The following NTRK3 variants were observed in gnomAD, a reference collection of about 807,000 sequenced individuals.
NTRK3 encodes the protein NT-3 growth factor receptor.
Under a neutral mutation model 91.7 loss-of-function variants are expected in NTRK3, and 24 were observed. The observed-to-expected ratio is 0.26, with a 90% CI of 0.19 to 0.37. The LOEUF is 0.37. NTRK3 is among the 10% of genes least tolerant of loss of function. NTRK3 has a pLI of 1.00. For missense variants in NTRK3, 880 were observed against 1,068.9 expected, an observed-to-expected ratio of 0.82 and a Z score of 2.46; for synonymous variants, 483 against 404.0, an observed-to-expected ratio of 1.20 and a Z score of -2.34.
chr15:87,945,833 A>T (rs916553925), intron 14 of NTRK3, among the ~76,000 whole-genome samples: 8 of 149,184 alleles, frequency 5.4e-5, no homozygotes, highest in Admixed American at 6.7e-5. Context: ...AAAAAAACAG[A>T]TCTCTATTGA....
chr15:87,931,905 C>A (rs1468621865), intron 16 of NTRK3, among the ~76,000 whole-genome samples: 1 of 152,194 alleles, frequency 6.6e-6, no homozygotes, highest in African/African-American at 2.4e-5. Flanking sequence ...AAATCTTATC[C>A]TCAGCCACAG....
chr15:87,988,097 C>T (rs1026525245), intron 14 of NTRK3, among the ~76,000 whole-genome samples: 1 of 152,104 alleles, frequency 6.6e-6, no homozygotes, highest in Admixed American at 6.6e-5. Context: ...CTGACAAACA[C>T]CATCTCAGCC....
chr15:87,933,681 G>C (rs2069006050), intron 15 of NTRK3, among the ~76,000 whole-genome samples: 1 of 152,264 alleles, frequency 6.6e-6, no homozygotes, highest in South Asian at 2.1e-4. Flanking sequence ...GTCTTTTGGA[G>C]TCCTTGCTTT....
chr15:87,920,202 C>G (rs1157375117), intron 17 of NTRK3, among the ~76,000 whole-genome samples: 1 of 152,140 alleles, frequency 6.6e-6, no homozygotes, highest in Non-Finnish European at 1.5e-5. Context: ...TGTGCAGATC[C>G]ACTGGCTTTA....
At chr15:88,116,043 G>A (rs904257631) in intron 13 of NTRK3, among the ~76,000 whole-genome samples, 1 of 152,152 alleles carries the variant, frequency 6.6e-6, no homozygotes, top group East Asian at 1.9e-4. Context: ...CTCTGAGCTG[G>A]GAATGCTGGC....
chr15:88,137,567 G>C lies in NTRK3; in HGVS notation c.465-6C>G. The C allele has an allele frequency of 1.9e-6, 3 of 1,613,260 alleles. No individual in the cohort carries two copies. Among genetic ancestry groups the C allele is most frequent in the Non-Finnish European group, 2.5e-6 (3 of 1,179,768 alleles). On this transcript the variant is annotated splice_polypyrimidine_tract_variant and splice_region_variant and intron_variant, in intron 6 of 18. Transcript: ENST00000394480. The stretch of plus-strand genomic sequence containing the variant: ...AAAAGTTCTGCTCCAACTGCCTGTC[G>C]GCAAAGAGAGAGGGGAAGGGAACCT...
At chr15:88,072,653 T>C (rs980521742) in intron 13 of NTRK3, 3 of 232,666 alleles carry the variant, frequency 1.3e-5, no homozygotes, top group African/African-American at 6.6e-5. Flanking sequence ...CACAATTTGA[T>C]GAGACACCCT....
At chr15:87,904,822 T>C (rs2066662515) in intron 17 of NTRK3, among the ~76,000 whole-genome samples, 1 of 152,312 alleles carries the variant, frequency 6.6e-6, no homozygotes, top group Non-Finnish European at 1.5e-5. Context: ...AGCACACATA[T>C]GCAGAAGAGA....
intron 13 of NTRK3, among the ~76,000 whole-genome samples, chr15:88,096,960 A>G (rs967025640): frequency 3.3e-5 from 5 of 152,232 alleles, no homozygotes; most frequent in Admixed American, 2.6e-4. Flanking sequence ...TAAGATTGAA[A>G]AGCAAAGAAG....
At chr15:88,157,221 T>C (rs2043990296) in intron 5 of NTRK3, among the ~76,000 whole-genome samples, 1 of 151,500 alleles carries the variant, frequency 6.6e-6, no homozygotes, top group Non-Finnish European at 1.5e-5. Context: ...TCCCTCTTCT[T>C]CCCTCTCTCA....
intron 5 of NTRK3, among the ~76,000 whole-genome samples, chr15:88,158,013 G>A (rs562127779): frequency 6.0e-4 from 91 of 152,270 alleles, no homozygotes; most frequent in African/African-American, 2.1e-3. Context: ...GGCACCTCAC[G>A]GGCCCGGGTG....
chr15:88,197,094 CAAAAAAAAAAAA>C (rs59553739), intron 3 of NTRK3, among the ~76,000 whole-genome samples: 28 of 56,576 alleles, frequency 4.9e-4, no homozygotes, highest in South Asian at 1.3e-3. Flanking sequence ...TTGAGCAGGA[CAAAAAAAAAAAA>C]AAAAAAAAAA....
intron 3 of NTRK3, among the ~76,000 whole-genome samples, chr15:88,225,486 A>C (rs972577003): frequency 1.1e-4 from 16 of 152,128 alleles, no homozygotes; most frequent in African/African-American, 3.9e-4. Flanking sequence ...AGAGTGGAGA[A>C]GGCTCCCAAA....
intron 7 of NTRK3, among the ~76,000 whole-genome samples, chr15:88,136,841 G>C (rs1356576395): frequency 1.3e-5 from 2 of 152,218 alleles, no homozygotes; most frequent in Non-Finnish European, 2.9e-5. Context: ...CATTGCAGCG[G>C]CAGGTTGCGG....
intron 9 of NTRK3, 40 bp from the exon 10 acceptor site, chr15:88,135,437 T>C (rs2041781461): frequency 6.2e-7 from 1 of 1,603,168 alleles, no homozygotes; most frequent in South Asian, 1.1e-5. Context: ...GGACACAGAG[T>C]CTACCACCTC....
intron 17 of NTRK3, among the ~76,000 whole-genome samples, chr15:87,889,286 G>C (rs1012854168): frequency 7.3e-5 from 11 of 151,598 alleles, no homozygotes; most frequent in African/African-American, 2.7e-4. Context: ...TCCTAGGCTT[G>C]ACAGCAAACC....
Position 88,088,890 on chromosome 15 carries a change from C to T in NTRK3, c.1396+37381G>A, listed in dbSNP as rs752827222. ...TGGGTAGGCTGCTTAACCTCTCTGA[C>T]CTTCAGTGTCCCCAGGTATAAAATG... On this transcript the variant is annotated intron_variant, in intron 13 of 18. Transcript: ENST00000394480. Among the ~76,000 whole-genome samples the T allele has an allele frequency of 9.9e-5, 15 of 152,264 alleles. No individual in the cohort carries two copies. In the South Asian group the frequency reaches 1.9e-3, roughly 19 times the overall value.
At chr15:87,927,439 G>A (rs1012632473) in intron 17 of NTRK3, 1 of 152,110 alleles carries the variant, frequency 6.6e-6, no homozygotes, top group Non-Finnish European at 1.5e-5. Flanking sequence ...CCCAGCCTCT[G>A]GTCCACTATG....
chr15:87,913,523 C>A (rs1455534014), intron 17 of NTRK3, among the ~76,000 whole-genome samples: 1 of 152,138 alleles, frequency 6.6e-6, no homozygotes, highest in East Asian at 1.9e-4. Flanking sequence ...ATCCTAGATG[C>A]AACCACCAAA....
Sources: gnomAD v4.1 joint callset for allele counts (sites outside exome capture counted in the v4.1 genomes callset) on GRCh38, gnomAD v4.1.1 for gene constraint, MANE v1.5 for transcripts, NCBI Gene and HGNC (gene_info 2026-07-23, HGNC 2026-07-21) for gene names.